RNF43: variants seen among roughly 807,000 people sequenced by gnomAD.
RNF43 encodes ring finger protein 43.
In RNF43, 37 loss-of-function variants were observed where a neutral mutation model predicts 78.4. The observed-to-expected ratio is 0.47, with a 90% CI of 0.36 to 0.62. The LOEUF (loss-of-function observed/expected upper bound fraction) is 0.62. Ranked by LOEUF, RNF43 falls within the 20% of genes least tolerant of loss-of-function variation. The probability of loss-of-function intolerance (pLI) is 0.00; values close to 1 mark genes in which losing one functional copy is unlikely to be tolerated. For synonymous variants in RNF43, 347 were observed against 395.0 expected, an observed-to-expected ratio of 0.88 and a Z score of 1.44; for missense variants, 774 against 1,007.9, an observed-to-expected ratio of 0.77 and a Z score of 3.14.
chr17:58,374,186 G>C (rs1478462830), intron 2 of RNF43, among the ~76,000 whole-genome samples: 1 of 121,156 alleles, frequency 8.3e-6, no homozygotes, highest in South Asian at 2.8e-4. Flanking sequence ...AAGTGGTAGA[G>C]ATTAGAAAAA....
chr17:58,390,553 A>G (rs985748900), intron 2 of RNF43, among the ~76,000 whole-genome samples: 2 of 152,222 alleles, frequency 1.3e-5, no homozygotes, highest in African/African-American at 4.8e-5. Context: ...ACACTGTTTC[A>G]GTAACAGTAG....
intron 2 of RNF43, among the ~76,000 whole-genome samples, chr17:58,373,337 A>T (rs1973140887): frequency 1.3e-5 from 2 of 152,162 alleles, no homozygotes; most frequent in Admixed American, 1.3e-4. Context: ...GCATTGTAGG[A>T]TACCTCTGAC....
intron 2 of RNF43, among the ~76,000 whole-genome samples, chr17:58,372,252 C>T (rs1204240625): frequency 5.3e-5 from 8 of 152,160 alleles, no homozygotes; most frequent in East Asian, 1.9e-4. Flanking sequence ...ACTGTGTCAC[C>T]GCGGTCCCTT....
chr17:58,363,074 G>A, intron 5 of RNF43: 1 of 630,148 alleles, frequency 1.6e-6, no homozygotes. Flanking sequence ...GAACTCATCT[G>A]TCCTGATCTG....
chr17:58,386,792 G>T (rs1273711033), intron 2 of RNF43, among the ~76,000 whole-genome samples: 4 of 151,908 alleles, frequency 2.6e-5, no homozygotes, highest in African/African-American at 9.7e-5. Context: ...TCTATGTGTG[G>T]TAATTTTCAC....
chr17:58,379,990 C>A (rs1015025600), intron 2 of RNF43, among the ~76,000 whole-genome samples: 1 of 152,194 alleles, frequency 6.6e-6, no homozygotes, highest in Non-Finnish European at 1.5e-5. Flanking sequence ...TTAGTTACAT[C>A]AGGGATCTTT....
In RNF43 at chr17:58,363,272, T is replaced by C. The variant is rs1972878444; in HGVS notation, c.582+3A>G. The stretch of plus-strand genomic sequence containing the variant: ...GCAAGGTCTGGAGGTCTAGTGTGCT[T>C]ACCCAGGCCGGGGGCTCCTTCAGCT... On this transcript the variant is annotated splice_donor_region_variant and intron_variant, in intron 5 of 9. Transcript: ENST00000407977. 1 of 1,613,242 alleles carries C rather than the reference T, an allele frequency of 6.2e-7. No individual in the cohort carries two copies. Among genetic ancestry groups the C allele is most frequent in the South Asian group, 1.1e-5 (1 of 91,086 alleles).
chr17:58,373,542 A>G (rs1335778034), intron 2 of RNF43, among the ~76,000 whole-genome samples: 1 of 152,216 alleles, frequency 6.6e-6, no homozygotes, highest in African/African-American at 2.4e-5. Flanking sequence ...TTTTATGTGC[A>G]CATAGTAGGT....
At position 58,362,510 on chromosome 17, in the gene RNF43, C is replaced by T. The variant is rs772342017; in HGVS notation, c.687+34G>A. On this transcript the variant is annotated intron_variant, in intron 6 of 9. Transcript: ENST00000407977. ...AACCACCCACCCACACACACGCACA[C>T]GTTCACCGCCGCCAAAGACCCCACA... 37 of 1,535,046 alleles carry T rather than the reference C, an allele frequency of 2.4e-5. No individual in the cohort carries two copies. In the African/African-American group the frequency reaches 2.9e-4, roughly 12 times the overall value.
Position 58,415,651 on chromosome 17 carries a change from A to T in RNF43, c.-74T>A. The T allele has an allele frequency of 1.3e-6, 2 of 1,516,380 alleles. No individual in the cohort carries two copies. Among genetic ancestry groups the T allele is most frequent in the South Asian group, 2.3e-5 (2 of 86,950 alleles). 93.9% of individuals were successfully genotyped at this position (1,516,380 alleles called of 1,614,324 possible). A position where few individuals can be genotyped will look rare whatever the true frequency, so the allele number is the denominator to read the frequency against. The stretch of plus-strand genomic sequence containing the variant: ...GCTAATACCAAATGCAGGTTCTCAG[A>T]TCCAGACAAATGGAGGAAAAGAACA... On this transcript the variant is annotated 5_prime_UTR_variant, in exon 2 of 10. Coordinates refer to ENST00000407977, the MANE Select transcript of RNF43 (RefSeq NM_017763.6).
At chr17:58,395,649 G>A (rs540739195) in intron 2 of RNF43, among the ~76,000 whole-genome samples, 1 of 152,290 alleles carries the variant, frequency 6.6e-6, no homozygotes, top group East Asian at 1.9e-4. Context: ...AAATAAAAAA[G>A]AGCAGACTTG....
At chr17:58,361,367 T>G (rs1972831240) in intron 6 of RNF43, among the ~76,000 whole-genome samples, 1 of 152,250 alleles carries the variant, frequency 6.6e-6, no homozygotes, top group East Asian at 1.9e-4. Flanking sequence ...GTGCCGTCCT[T>G]GAGTCCTCTC....
chr17:58,363,909 A>G (rs1395775451), intron 3 of RNF43, among the ~76,000 whole-genome samples: 1 of 152,190 alleles, frequency 6.6e-6, no homozygotes, highest in Non-Finnish European at 1.5e-5. Context: ...AAAGACAAAT[A>G]AGACACAGCT....
chr17:58,417,381 A>C lies in RNF43; in HGVS notation c.-750T>G, dbSNP rs943664682. On this transcript the variant is annotated 5_prime_UTR_variant, in exon 1 of 10. Coordinates refer to ENST00000407977, the MANE Select transcript of RNF43 (RefSeq NM_017763.6). Reference sequence around the variant, plus strand: ...ATGATCAAGTCTTGAAAGAGAAAAGAAGCAAAGTAGCAAATACATCAACAA... The same window carrying C: ...ATGATCAAGTCTTGAAAGAGAAAAGCAGCAAAGTAGCAAATACATCAACAA... 1 of 152,374 alleles carries C rather than the reference A, an allele frequency of 6.6e-6. No homozygotes were observed. The highest frequency in any genetic ancestry group is 2.4e-5 in the African/African-American group (1 of 41,594). 9.4% of individuals were successfully genotyped at this position (152,374 alleles called of 1,614,324 possible).
At chr17:58,414,673 G>A (rs1010043621) in intron 2 of RNF43, among the ~76,000 whole-genome samples, 4 of 152,102 alleles carry the variant, frequency 2.6e-5, no homozygotes, top group Admixed American at 1.3e-4. Flanking sequence ...AAAACTTGGC[G>A]GATCAGTAAA....
chr17:58,364,727 G>T (rs1466083995), intron 3 of RNF43, among the ~76,000 whole-genome samples: 1 of 152,234 alleles, frequency 6.6e-6, no homozygotes, highest in Non-Finnish European at 1.5e-5. Flanking sequence ...CTTCCCACAG[G>T]CATTGAAGGA....
chr17:58,360,706 C>A lies in RNF43; in HGVS notation c.849+77G>T, dbSNP rs1972816472. 1.4e-6 allele frequency: 2 copies of A among 1,478,690 alleles called. No individual in the cohort carries two copies. The highest frequency in any genetic ancestry group is 1.8e-4 in the Middle Eastern group (1 of 5,620). 91.6% of individuals were successfully genotyped at this position (1,478,690 alleles called of 1,614,324 possible). A position where few individuals can be genotyped will look rare whatever the true frequency, so the allele number is the denominator to read the frequency against. On this transcript the variant is annotated intron_variant, in intron 7 of 9. Coordinates refer to ENST00000407977, the MANE Select transcript of RNF43 (RefSeq NM_017763.6). This position sits in a 1 kb window ranked among gnomAD's most constrained non-coding sequence, Gnocchi z 4.3. Reference sequence around the variant, plus strand: ...TGTAGCCAGGGTACCCATACCAGCCCCTAGGCCTGCCCACCCCTCCCCCAG... The same window carrying A: ...TGTAGCCAGGGTACCCATACCAGCCACTAGGCCTGCCCACCCCTCCCCCAG...
At chr17:58,388,388 C>T (rs1973479950) in intron 2 of RNF43, among the ~76,000 whole-genome samples, 2 of 152,204 alleles carry the variant, frequency 1.3e-5, no homozygotes, top group Admixed American at 1.3e-4. Context: ...CCCTTTGTGA[C>T]ACGGCATATC....
intron 2 of RNF43, among the ~76,000 whole-genome samples, chr17:58,410,337 A>T (rs1974003436): frequency 6.6e-6 from 1 of 152,236 alleles, no homozygotes; most frequent in African/African-American, 2.4e-5. Flanking sequence ...AAGCCATGTC[A>T]GGAAGGCTCT....
Sources: allele counts gnomAD v4.1 joint callset (sites outside exome capture counted in the v4.1 genomes callset), GRCh38; gene constraint gnomAD v4.1.1; non-coding constraint Gnocchi (gnomAD v3.1); transcripts MANE v1.5; gene names NCBI Gene and HGNC (gene_info 2026-07-23, HGNC 2026-07-21).